The following ESYT3 variants were observed in gnomAD, a reference collection of about 807,000 sequenced individuals.
ESYT3 encodes the protein extended synaptotagmin-3.
In ESYT3, 101 loss-of-function variants were observed where a neutral mutation model predicts 111.5. That is an observed-to-expected ratio of 0.91 (90% CI 0.77 to 1.07). The LOEUF is 1.07. ESYT3 is among the 50% of genes least tolerant of loss of function. The pLI is 0.00. For missense variants in ESYT3, 1,097 were observed against 1,109.4 expected (o/e 0.99, Z 0.16); for synonymous variants, 416 against 446.8 (o/e 0.93, Z 0.87).
chr3:138,452,010 G>T (rs780609254), intron 1 of ESYT3, 38 bp from the exon 2 acceptor site: 1 of 1,612,286 alleles, frequency 6.2e-7, no homozygotes, highest in African/African-American at 1.3e-5. Flanking sequence ...CGGGTGTGCG[G>T]CTTCTAGTCT....
chr3:138,448,059 A>G (rs2031662777), intron 1 of ESYT3, among the ~76,000 whole-genome samples: 1 of 151,918 alleles, frequency 6.6e-6, no homozygotes, highest in East Asian at 1.9e-4. Context: ...GGAGTTCAGG[A>G]GTTCGAGACC....
At chr3:138,456,761 C>G (rs548524749) in intron 3 of ESYT3, among the ~76,000 whole-genome samples, 1 of 152,304 alleles carries the variant, frequency 6.6e-6, no homozygotes, top group South Asian at 2.1e-4. Flanking sequence ...ACCCCACCCC[C>G]GGTCTGTGGG....
chr3:138,463,342 A>G (rs2032753627), intron 8 of ESYT3, among the ~76,000 whole-genome samples: 1 of 151,656 alleles, frequency 6.6e-6, no homozygotes, highest in Non-Finnish European at 1.5e-5. Context: ...TGATCCACCC[A>G]CTTTGGCCTC....
rs2033327351 is a variant in ESYT3 at position 138,473,306 on chromosome 3, A to G, written c.2238-230A>G. 4 of 648,002 alleles carry G rather than the reference A, an allele frequency of 6.2e-6. No homozygotes were observed. In the East Asian group the frequency reaches 9.1e-5, roughly 15 times the overall value. The allele number at this position is 648,002 out of a possible 1,614,324, so 40.1% of individuals were successfully genotyped here. A position where few individuals can be genotyped will look rare whatever the true frequency, so the allele number is the denominator to read the frequency against. On this transcript the variant is annotated intron_variant, in intron 18 of 22. Coordinates refer to ENST00000389567, the MANE Select transcript of ESYT3 (RefSeq NM_031913.5). The stretch of plus-strand genomic sequence containing the variant: ...ATCCAAGGTCCCAAAAGGAATCATG[A>G]TACAAAGGCAGATTCCACTTCAGGG...
At chr3:138,445,844 A>G (rs143519706) in intron 1 of ESYT3, among the ~76,000 whole-genome samples, 1 of 152,220 alleles carries the variant, frequency 6.6e-6, no homozygotes, top group Admixed American at 6.5e-5. Flanking sequence ...CAGATGAGAA[A>G]GCTGAGGCTT....
intron 1 of ESYT3, among the ~76,000 whole-genome samples, chr3:138,443,827 G>A (rs1013609061): frequency 4.6e-5 from 7 of 152,018 alleles, no homozygotes; most frequent in African/African-American, 1.7e-4. Flanking sequence ...ATGACAGGGA[G>A]GCCCTTTAAG....
chr3:138,440,296 G>GCCTC lies in ESYT3; in HGVS notation c.327+5175_327+5178dup, dbSNP rs2031052841. Among the ~76,000 whole-genome samples the GCCTC allele has an allele frequency of 6.6e-6, 1 of 152,228 alleles. No homozygotes were observed. The highest frequency in any genetic ancestry group is 1.5e-5 in the Non-Finnish European group (1 of 68,044). On this transcript the variant is annotated intron_variant, in intron 1 of 22. Coordinates refer to ENST00000389567, the MANE Select transcript of ESYT3 (RefSeq NM_031913.5). The surrounding 1 kb of genome is among the most constrained non-coding windows in gnomAD (Gnocchi z 4.2). Reference sequence around the variant, plus strand: ...TGGTCCCTGGGATTGCTCCCTCCAAGCCTCCCTGCCAGCCACTCAGGCAGA... The same window carrying GCCTC: ...TGGTCCCTGGGATTGCTCCCTCCAAGCCTCCCTCCCTGCCAGCCACTCAGGCAGA...
At chr3:138,472,341 C>T (rs1186600301) in intron 17 of ESYT3, 22 bp from the exon 18 acceptor site, 1 of 1,606,464 alleles carries the variant, frequency 6.2e-7, no homozygotes, top group Non-Finnish European at 8.5e-7. Context: ...AGCTCATAAG[C>T]CACCCTCTTA....
intron 22 of ESYT3, 81 bp downstream of exon 22, chr3:138,476,573 T>C: frequency 7.1e-7 from 1 of 1,418,360 alleles, no homozygotes; most frequent in Non-Finnish European, 9.9e-7. Context: ...TCAGCTCCTT[T>C]GGTTATCAAG....
chr3:138,473,535 G>A lies in ESYT3; in HGVS notation c.2238-1G>A, dbSNP rs774665882. The A allele has an allele frequency of 2.5e-6, 4 of 1,612,704 alleles. No individual in the cohort carries two copies. In the South Asian group the frequency reaches 3.3e-5, roughly 13 times the overall value. On this transcript the variant is annotated splice_acceptor_variant, in intron 18 of 22. Transcript: ENST00000389567. LOFTEE classifies it high-confidence loss of function. ...AGAAGTGATGGGCTCTTTCTTTACA[G>A]AGGTGGGGACCTCAGGCGACGGCAG...
At position 138,457,572 on chromosome 3, in the gene ESYT3, C is replaced by T. The variant is rs142676392; in HGVS notation, c.509C>T (p.Pro170Leu). 1,755 of 1,613,964 alleles carry T rather than the reference C, an allele frequency of 1.1e-3. 3 individuals carry two copies. Among genetic ancestry groups the T allele is most frequent in the Non-Finnish European group, 1.4e-3 (1,685 of 1,180,026 alleles). The change falls in exon 4 of 23, where the codon CCC becomes CTC. Residue 170 changes from proline to leucine, a missense_variant. Coordinates refer to ENST00000389567, the MANE Select transcript of ESYT3 (RefSeq NM_031913.5). ...FTKLYFGQKC[P>L]RVNGVKAHTN... Reference sequence around the variant, plus strand: ...CCCTTTTGGCATTTCTTCCAGTGTCCCAGGGTCAACGGTGTCAAGGCACAC... The same window carrying T: ...CCCTTTTGGCATTTCTTCCAGTGTCTCAGGGTCAACGGTGTCAAGGCACAC...
intron 7 of ESYT3, among the ~76,000 whole-genome samples, chr3:138,461,406 G>A (rs909585011): frequency 4.6e-5 from 7 of 152,178 alleles, no homozygotes; most frequent in African/African-American, 1.7e-4. Context: ...GAGGAGCAGA[G>A]AAAGGCACCA....
At chr3:138,464,284 T>C in intron 8 of ESYT3, 61 bp from the exon 9 acceptor site, 1 of 1,578,108 alleles carries the variant, frequency 6.3e-7, no homozygotes, top group South Asian at 1.1e-5. Flanking sequence ...TTAGCTCTGA[T>C]ACTCCAGGAC....
chr3:138,444,523 C>T lies in ESYT3; in HGVS notation c.328-7525C>T, dbSNP rs546114930. On this transcript the variant is annotated intron_variant, in intron 1 of 22. Transcript: ENST00000389567. ...AAACCATCTAGAAGTCCACTGTTTCCATGGATCTGGGAGGAACAGGAATTA... is the reference window on the plus strand; with the variant it reads ...AAACCATCTAGAAGTCCACTGTTTCTATGGATCTGGGAGGAACAGGAATTA... Among the ~76,000 whole-genome samples, 79 of 152,294 alleles carry T rather than the reference C, an allele frequency of 5.2e-4. 1 individual carries two copies. The South Asian group carries it at 0.014, about 28-fold the overall frequency.
chr3:138,467,370 G>A (rs918687132), intron 10 of ESYT3, among the ~76,000 whole-genome samples, 191 bp from the exon 11 acceptor site: 4 of 152,182 alleles, frequency 2.6e-5, no homozygotes, highest in Admixed American at 6.5e-5. Context: ...CCCAGTGGGA[G>A]CAGCCCTGAT....
chr3:138,456,661 G>A (rs1326824856), intron 3 of ESYT3, among the ~76,000 whole-genome samples: 2 of 152,148 alleles, frequency 1.3e-5, no homozygotes, highest in Non-Finnish European at 2.9e-5. Flanking sequence ...TGTGAACTGC[G>A]CATGTGAGGG....
chr3:138,476,194 A>C (rs374230810), intron 20 of ESYT3, 29 bp from the exon 21 acceptor site: 2 of 1,402,730 alleles, frequency 1.4e-6, no homozygotes, highest in African/African-American at 2.8e-5. Context: ...TGAAATGCAT[A>C]ATTCTCACTT....
rs1237714231 is a variant in ESYT3 at position 138,435,907 on chromosome 3, T to C, written c.327+782T>C. ...GCTTGGGAAACACCGGCAAGAGGGGTGTTCCGTCCAATGGTTGGTCTGCGG... is the reference window on the plus strand; with the variant it reads ...GCTTGGGAAACACCGGCAAGAGGGGCGTTCCGTCCAATGGTTGGTCTGCGG... On this transcript the variant is annotated intron_variant, in intron 1 of 22. Coordinates refer to ENST00000389567, the MANE Select transcript of ESYT3 (RefSeq NM_031913.5). The surrounding 1 kb of genome is among the most constrained non-coding windows in gnomAD (Gnocchi z 4.8). Among the ~76,000 whole-genome samples the C allele has an allele frequency of 6.6e-6, 1 of 152,028 alleles. No homozygotes were observed. The highest frequency in any genetic ancestry group is 1.5e-5 in the Non-Finnish European group (1 of 68,016).
Position 138,473,471 on chromosome 3 carries a change from TG to T in ESYT3, c.2238-60del, listed in dbSNP as rs545327319. On this transcript the variant is annotated intron_variant, in intron 18 of 22. Transcript: ENST00000389567. ...TCAAGCAGGAATGCTTCTTTGTCTT[TG>T]GGGGTGGCGGAAGAGGGCCAATGCT... 8.1e-5 allele frequency: 113 copies of T among 1,393,310 alleles called. 1 individual carries two copies. In the African/African-American group the frequency reaches 1.4e-3, roughly 17 times the overall value. 86.3% of individuals were successfully genotyped at this position (1,393,310 alleles called of 1,614,324 possible). A position where few individuals can be genotyped will look rare whatever the true frequency, so the allele number is the denominator to read the frequency against.
Sources: allele counts gnomAD v4.1 joint callset (sites outside exome capture counted in the v4.1 genomes callset), GRCh38; gene constraint gnomAD v4.1.1; non-coding constraint Gnocchi (gnomAD v3.1); transcripts MANE v1.5; gene names NCBI Gene and HGNC (gene_info 2026-07-23, HGNC 2026-07-21).